Variants in TASP1 observed in about 807,000 individuals in gnomAD.
The protein encoded by TASP1 is threonine aspartase 1.
Under a neutral mutation model 56.6 loss-of-function variants are expected in TASP1, and 16 were observed. That is an observed-to-expected ratio of 0.28 (90% CI 0.19 to 0.43). The LOEUF (loss-of-function observed/expected upper bound fraction) is 0.43, where lower values mean the gene tolerates loss of function less well. Among genes scored for constraint, TASP1 ranks in the 20% least tolerant of loss-of-function variants. The pLI, the probability that TASP1 is intolerant of heterozygous loss-of-function variation, is 1.00. For missense variants in TASP1, 393 were observed against 511.6 expected (o/e 0.77, Z 2.24); for synonymous variants, 179 against 184.2 (o/e 0.97, Z 0.23).
the TASP1 span, among the ~76,000 whole-genome samples, chr20:13,313,069 C>T: frequency 6.6e-6 from 1 of 152,150 alleles, no homozygotes; most frequent in African/African-American, 2.4e-5. Context: ...TGATCTTCAC[C>T]AGTCAGTTCT....
At chr20:13,393,339 G>A (rs1054047553) in intron 13 of TASP1, 7 of 754,650 alleles carry the variant, frequency 9.3e-6, no homozygotes, top group African/African-American at 6.9e-5. Flanking sequence ...GGTCATCCCC[G>A]AGCTGAACAG....
At position 13,483,966 on chromosome 20, in the gene TASP1, AAAAC is replaced by A. The variant is rs1303972716; in HGVS notation, c.875-633_875-630del. Among the ~76,000 whole-genome samples, 119 of 152,310 alleles carry A rather than the reference AAAAC, an allele frequency of 7.8e-4. 1 individual carries two copies. The highest frequency in any genetic ancestry group is 2.6e-3 in the African/African-American group (108 of 41,576). On this transcript the variant is annotated intron_variant, in intron 10 of 13. Coordinates refer to ENST00000337743, the MANE Select transcript of TASP1 (RefSeq NM_017714.3). ...TGAACTCAAACAAATTTACAAGAAA[AAAAC>A]AAACAACCCCATCAAAAAGTGGGCA... is the stretch of plus-strand genomic sequence containing the variant.
intron 10 of TASP1, among the ~76,000 whole-genome samples, chr20:13,516,658 G>GTTTTTTTTTTTTTTTTTTTTTTTT (rs34296221): frequency 1.6e-5 from 2 of 124,852 alleles, no homozygotes; most frequent in Non-Finnish European, 3.3e-5. Context: ...TTACGCCTTT[G>GTTTTTTTTTTTTTTTTTTTTTTTT]TTTTTTTTTT....
intron 13 of TASP1, among the ~76,000 whole-genome samples, chr20:13,399,294 G>C (rs1001529823): frequency 6.6e-6 from 1 of 152,106 alleles, no homozygotes; most frequent in African/African-American, 2.4e-5. Flanking sequence ...ATGTTTATAT[G>C]CTGAGATTCC....
At chr20:13,373,485 A>AT in the TASP1 span, among the ~76,000 whole-genome samples, 1 of 136,856 alleles carries the variant, frequency 7.3e-6, no homozygotes, top group African/African-American at 2.8e-5. Context: ...ATATGTCTTG[A>AT]TTTTTTTCTT....
chr20:13,190,344 A>AT, the TASP1 span, among the ~76,000 whole-genome samples: 4 of 152,326 alleles, frequency 2.6e-5, no homozygotes, highest in East Asian at 5.8e-4. Context: ...CTGTAAAGCT[A>AT]TAGTAACCAA....
chr20:13,592,791 A>G (rs2047581900), intron 4 of TASP1, among the ~76,000 whole-genome samples: 1 of 152,078 alleles, frequency 6.6e-6, no homozygotes, highest in African/African-American at 2.4e-5. Context: ...TCTTAAAATG[A>G]TAGGTTAAGT....
the TASP1 span, among the ~76,000 whole-genome samples, chr20:13,218,780 G>C: frequency 6.6e-6 from 1 of 152,172 alleles, no homozygotes. Context: ...GAATCAGAGC[G>C]TGGGTGTTTA....
chr20:13,563,538 G>T (rs1020766290), intron 7 of TASP1, among the ~76,000 whole-genome samples: 4 of 152,030 alleles, frequency 2.6e-5, no homozygotes, highest in African/African-American at 9.7e-5. Context: ...ACCAAATGCA[G>T]CAGCATATTA....
intron 4 of TASP1, among the ~76,000 whole-genome samples, chr20:13,599,359 G>A (rs2047867494): frequency 6.6e-6 from 1 of 152,200 alleles, no homozygotes; most frequent in Non-Finnish European, 1.5e-5. Context: ...AAAAAAGGAT[G>A]AGTTCATGTC....
At chr20:13,599,580 G>A (rs1275577660) in intron 4 of TASP1, among the ~76,000 whole-genome samples, 1 of 152,138 alleles carries the variant, frequency 6.6e-6, no homozygotes, top group African/African-American at 2.4e-5. Context: ...TAATGTAAAT[G>A]ACGAGTTGAT....
At chr20:13,444,786 G>GT (rs1178223230) in intron 11 of TASP1, among the ~76,000 whole-genome samples, 5 of 152,134 alleles carry the variant, frequency 3.3e-5, no homozygotes, top group Non-Finnish European at 7.4e-5. Flanking sequence ...AAGAACCTTA[G>GT]GCATATGGAG....
At chr20:13,570,789 G>A (rs991466001) in intron 6 of TASP1, among the ~76,000 whole-genome samples, 8 of 152,006 alleles carry the variant, frequency 5.3e-5, no homozygotes, top group Non-Finnish European at 7.4e-5. Flanking sequence ...AAGAAAAGCC[G>A]TCACATAAAC....
At chr20:13,285,294 T>G in the TASP1 span, among the ~76,000 whole-genome samples, 1 of 148,546 alleles carries the variant, frequency 6.7e-6, no homozygotes, top group South Asian at 2.1e-4. Flanking sequence ...TCGAAACAGC[T>G]TAAAAAATAA....
chr20:13,612,770 G>A (rs61054363), intron 4 of TASP1, among the ~76,000 whole-genome samples: 4,342 of 152,182 alleles, frequency 0.029, 200 homozygotes, highest in African/African-American at 0.092. Flanking sequence ...AAGAAATCCT[G>A]GCATTCAGAT....
At chr20:13,416,026 TATTC>T (rs1255518218) in intron 13 of TASP1, among the ~76,000 whole-genome samples, 2 of 152,348 alleles carry the variant, frequency 1.3e-5, no homozygotes, top group East Asian at 3.9e-4. Flanking sequence ...TTTTCATACT[TATTC>T]ATTAAACCTG....
At chr20:13,266,201 A>G in the TASP1 span, among the ~76,000 whole-genome samples, 1,981 of 152,328 alleles carry the variant, frequency 0.013, 41 homozygotes, top group African/African-American at 0.045. Context: ...AACACCAAGT[A>G]AGAAAAAGAG....
chr20:13,180,286 C>A, the TASP1 span, among the ~76,000 whole-genome samples: 1 of 152,182 alleles, frequency 6.6e-6, no homozygotes, highest in Middle Eastern at 3.2e-3. Context: ...TCATACACCC[C>A]AGCCAGACAA....
At chr20:13,536,399 C>T (rs1028554339) in intron 8 of TASP1, among the ~76,000 whole-genome samples, 4 of 152,192 alleles carry the variant, frequency 2.6e-5, no homozygotes, top group African/African-American at 9.7e-5. Context: ...TTCTATCTTG[C>T]TCAACTGTCA....
Sources: gnomAD v4.1 joint callset for allele counts (sites outside exome capture counted in the v4.1 genomes callset) on GRCh38, gnomAD v4.1.1 for gene constraint, MANE v1.5 for transcripts, NCBI Gene and HGNC (gene_info 2026-07-23, HGNC 2026-07-21) for gene names.